Variants in SNX9 observed in about 807,000 individuals in gnomAD.
SNX9 encodes the protein sorting nexin-9.
In SNX9, 44 loss-of-function variants were observed where a neutral mutation model predicts 89.4. The observed-to-expected ratio is 0.49, with a 90% CI of 0.39 to 0.63. The LOEUF (loss-of-function observed/expected upper bound fraction) is 0.63, where lower values mean the gene tolerates loss of function less well. Among genes scored for constraint, SNX9 ranks in the 30% least tolerant of loss-of-function variants. The pLI is 0.00. For synonymous variants in SNX9, 236 were observed against 247.8 expected, an observed-to-expected ratio of 0.95 and a Z score of 0.45; for missense variants, 578 against 736.1, an observed-to-expected ratio of 0.79 and a Z score of 2.49.
intron 1 of SNX9, among the ~76,000 whole-genome samples, chr6:157,828,292 G>A (rs1781419215): frequency 2.0e-5 from 3 of 150,536 alleles, no homozygotes; most frequent in Non-Finnish European, 4.4e-5. Context: ...GAATAGATTA[G>A]AAAGCATAAA....
intron 9 of SNX9, among the ~76,000 whole-genome samples, chr6:157,912,638 G>C (rs559307330): frequency 6.6e-6 from 1 of 152,082 alleles, no homozygotes; most frequent in Non-Finnish European, 1.5e-5. Flanking sequence ...TTCCCCTCTC[G>C]CTCAACTACT....
chr6:157,938,085 G>C (rs1245724046), intron 15 of SNX9, among the ~76,000 whole-genome samples: 1 of 152,232 alleles, frequency 6.6e-6, no homozygotes, highest in Admixed American at 6.5e-5. Context: ...AACGAGCAGC[G>C]TGATGACACT....
At chr6:157,852,434 C>T (rs1781931913) in intron 1 of SNX9, among the ~76,000 whole-genome samples, 1 of 152,178 alleles carries the variant, frequency 6.6e-6, no homozygotes, top group South Asian at 2.1e-4. Context: ...TCCCTCCCTT[C>T]CTCCTCTCGC....
intron 5 of SNX9, 43 bp downstream of exon 5, chr6:157,897,041 T>C (rs1782993175): frequency 6.6e-7 from 1 of 1,509,572 alleles, no homozygotes; most frequent in East Asian, 2.3e-5. Flanking sequence ...CGCCCATGGC[T>C]GAGTGGGAGA....
chr6:157,936,796 G>C (rs561494630), intron 14 of SNX9, among the ~76,000 whole-genome samples: 1 of 152,280 alleles, frequency 6.6e-6, no homozygotes, highest in East Asian at 1.9e-4. Context: ...GGAGTCTTTA[G>C]TACCCCAGTT....
At position 157,875,158 on chromosome 6, in the gene SNX9, T is replaced by C; in HGVS notation, c.282T>C (p.Ala94=). 6.2e-7 allele frequency: 1 copy of C among 1,608,970 alleles called. No individual in the cohort carries two copies. Among genetic ancestry groups the C allele is most frequent in the Non-Finnish European group, 8.5e-7 (1 of 1,177,324 alleles). ...SASTAQASSS[A]ASNNHQVGSG... The stretch of plus-strand genomic sequence containing the variant: ...GCACAGCTCAGGCCAGTTCGTCGGC[T>C]GCCAGCAACAATCACCAGGTACGTC... Residue 94 remains alanine, a synonymous_variant, in exon 4 of 18, where the codon GCT becomes GCC. Coordinates refer to ENST00000392185, the MANE Select transcript of SNX9 (RefSeq NM_016224.5).
At chr6:157,934,497 T>C (rs1783882393) in intron 13 of SNX9, among the ~76,000 whole-genome samples, 1 of 152,178 alleles carries the variant, frequency 6.6e-6, no homozygotes, top group Non-Finnish European at 1.5e-5. Context: ...ACAGAGGAAT[T>C]GTTTCAAAAC....
intron 4 of SNX9, among the ~76,000 whole-genome samples, chr6:157,877,498 A>G (rs1350356569): frequency 6.6e-6 from 1 of 152,226 alleles, no homozygotes; most frequent in East Asian, 1.9e-4. Flanking sequence ...ATTTGGGTAC[A>G]TTTTGTAAAT....
chr6:157,870,765 GCT>G (rs1191547536), intron 2 of SNX9, among the ~76,000 whole-genome samples: 1 of 146,914 alleles, frequency 6.8e-6, no homozygotes, highest in Non-Finnish European at 1.5e-5. Context: ...ACACTCACCT[GCT>G]CTCACACATA....
intron 11 of SNX9, among the ~76,000 whole-genome samples, chr6:157,928,169 T>A (rs1029345589): frequency 6.6e-6 from 1 of 152,224 alleles, no homozygotes; most frequent in African/African-American, 2.4e-5. Flanking sequence ...TAGAAAGAAC[T>A]GGTATCTTTA....
intron 4 of SNX9, among the ~76,000 whole-genome samples, chr6:157,876,757 G>A (rs187373597): frequency 6.6e-6 from 1 of 152,222 alleles, no homozygotes; most frequent in Non-Finnish European, 1.5e-5. Flanking sequence ...CCTCATTGCC[G>A]TTTGAGGCCC....
At chr6:157,940,647 A>G (rs555757674) in intron 16 of SNX9, among the ~76,000 whole-genome samples, 13 of 152,282 alleles carry the variant, frequency 8.5e-5, no homozygotes, top group African/African-American at 3.1e-4. Flanking sequence ...TGAACTCCTG[A>G]CCTCAGGTGA....
rs113915838 is a variant in SNX9 at position 157,905,463 on chromosome 6, T to A, written c.621-665T>A. ...TCTAGCTGTCCTCTAATTTCAGAAA[T>A]GTCCTTTGGATATAGATGTGATTTC... On this transcript the variant is annotated intron_variant, in intron 6 of 17. Coordinates refer to ENST00000392185, the MANE Select transcript of SNX9 (RefSeq NM_016224.5). 1.4e-3 allele frequency among the ~76,000 whole-genome samples: 220 copies of A among 152,308 alleles called. 1 individual carries two copies. Among genetic ancestry groups the A allele is most frequent in the African/African-American group, 4.2e-3 (175 of 41,558 alleles).
intron 9 of SNX9, among the ~76,000 whole-genome samples, chr6:157,911,092 G>A (rs1057387330): frequency 1.0e-4 from 15 of 150,698 alleles, no homozygotes; most frequent in Admixed American, 5.9e-4. Flanking sequence ...CAGCCCAGGC[G>A]ACAGAGCGAG....
rs757033514 is a variant in SNX9, at chr6:157,875,034, C to T, written c.175-17C>T. 4 of 1,612,632 alleles carry T rather than the reference C, an allele frequency of 2.5e-6. No individual in the cohort carries two copies. ...CCGTAATCTATGAAAATAATTGCGG[C>T]TCTTTCTCCTATTCAGATTTTACCC... On this transcript the variant is annotated splice_polypyrimidine_tract_variant and intron_variant, in intron 3 of 17. Transcript: ENST00000392185.
rs547184769 is a variant in SNX9, at chr6:157,929,638, A to C, written c.1288+936A>C. On this transcript the variant is annotated intron_variant, in intron 12 of 17. Transcript: ENST00000392185. ...AAAATGTTTTATATTTTGAATTATG[A>C]GTAACATATACCTACTTTTCTATCA... Among the ~76,000 whole-genome samples the C allele has an allele frequency of 1.2e-4, 19 of 152,382 alleles. 1 individual carries two copies. In the South Asian group the frequency reaches 3.3e-3, roughly 27 times the overall value.
chr6:157,906,193 A>T lies in SNX9; in HGVS notation c.686A>T (p.Lys229Ile). The T allele has an allele frequency of 6.3e-7, 1 of 1,598,182 alleles. No individual in the cohort carries two copies. Among genetic ancestry groups the T allele is most frequent in the South Asian group, 1.1e-5 (1 of 87,192 alleles). The change falls in exon 7 of 18, where the codon AAA becomes ATA. Residue 229 changes from lysine to isoleucine, a missense_variant. This residue lies in a region of SNX9 where 348 missense variants were observed against 491.4 expected (regional missense o/e 0.71). Coordinates refer to ENST00000392185, the MANE Select transcript of SNX9 (RefSeq NM_016224.5). The stretch of plus-strand genomic sequence containing the variant: ...TTGGCCAAACAACTAGCAAAACCCA[A>T]AGAGAAAATTCCCATCATTGTAAGT... The part of the protein sequence containing the change: ...YLLAKQLAKP[K>I]EKIPIIVGDY...
chr6:157,884,036 G>T (rs1177436204), intron 4 of SNX9, among the ~76,000 whole-genome samples: 1 of 152,134 alleles, frequency 6.6e-6, no homozygotes, highest in Non-Finnish European at 1.5e-5. Context: ...AAGACTTACA[G>T]ATTTCCTGAA....
At chr6:157,936,980 AAAG>A (rs10545632) in intron 14 of SNX9, among the ~76,000 whole-genome samples, 16,626 of 152,272 alleles carry the variant, frequency 0.11, 1,044 homozygotes, top group African/African-American at 0.16. Flanking sequence ...TACTTCTAAA[AAAG>A]CATTCATTTT....
Sources: allele counts gnomAD v4.1 joint callset (sites outside exome capture counted in the v4.1 genomes callset), GRCh38; gene constraint gnomAD v4.1.1; regional missense constraint gnomAD v4.1.1; transcripts MANE v1.5; gene names NCBI Gene and HGNC (gene_info 2026-07-23, HGNC 2026-07-21).